Variants in AGAP1 observed in about 807,000 individuals in gnomAD.
AGAP1 encodes the protein ArfGAP with GTPase domain, ankyrin repeat and PH domain 1.
AGAP1 carries 29 observed loss-of-function variants against 105.3 expected under a neutral mutation model. That is an observed-to-expected ratio of 0.28 (90% confidence interval 0.21 to 0.38). AGAP1 has a LOEUF of 0.38. Ranked by LOEUF, AGAP1 falls within the 10% of genes least tolerant of loss-of-function variation. The pLI is 1.00. For synonymous variants in AGAP1, 509 were observed against 485.9 expected, an observed-to-expected ratio of 1.05 and a Z score of -0.63; for missense variants, 998 against 1,165.1, an observed-to-expected ratio of 0.86 and a Z score of 2.09.
At chr2:235,576,631 C>T (rs1216222157) in intron 1 of AGAP1, among the ~76,000 whole-genome samples, 1 of 152,180 alleles carries the variant, frequency 6.6e-6, no homozygotes, top group Non-Finnish European at 1.5e-5. Flanking sequence ...CCTCAGGGGC[C>T]GTTGAGGGCA....
rs1402427147 is a variant in AGAP1 at position 235,572,107 on chromosome 2, G to A, written c.163+77258G>A. Among the ~76,000 whole-genome samples the A allele has an allele frequency of 2.7e-5, 4 of 149,782 alleles. No homozygotes were observed. In the East Asian group the frequency reaches 8.0e-4, roughly 30 times the overall value. The stretch of plus-strand genomic sequence containing the variant: ...CTCTGCTCCTGGCTTTGGGGGCTTA[G>A]CCTCTAATTTGGGTCTGAACTTTAT... On this transcript the variant is annotated intron_variant, in intron 1 of 17. Coordinates refer to ENST00000304032, the MANE Select transcript of AGAP1 (RefSeq NM_001037131.3).
intron 1 of AGAP1, among the ~76,000 whole-genome samples, chr2:235,597,004 C>T (rs1217238133): frequency 6.6e-6 from 1 of 152,176 alleles, no homozygotes; most frequent in Non-Finnish European, 1.5e-5. Context: ...CTTCCAGCTG[C>T]CAGAACTGTG....
intron 6 of AGAP1, among the ~76,000 whole-genome samples, chr2:235,778,528 T>C (rs1956054902): frequency 6.6e-6 from 1 of 152,184 alleles, no homozygotes; most frequent in Admixed American, 6.5e-5. Context: ...TCGCTCCTTA[T>C]CTGTGAGCAT....
intron 6 of AGAP1, among the ~76,000 whole-genome samples, chr2:235,767,777 C>CTTTTTTTTTTT (rs71414307): frequency 1.5e-4 from 9 of 62,050 alleles, no homozygotes; most frequent in East Asian, 6.0e-4. Flanking sequence ...AGTTTCTTGT[C>CTTTTTTTTTTT]TTTTTTTTTT....
intron 16 of AGAP1, among the ~76,000 whole-genome samples, chr2:236,060,838 G>A (rs2058172792): frequency 6.6e-6 from 1 of 152,230 alleles, no homozygotes; most frequent in African/African-American, 2.4e-5. Context: ...GAGGCAGGAG[G>A]ATCACTTGAG....
intron 10 of AGAP1, among the ~76,000 whole-genome samples, chr2:235,897,192 A>T (rs2050848272): frequency 6.6e-6 from 1 of 152,034 alleles, no homozygotes; most frequent in South Asian, 2.1e-4. Context: ...AAGCAATTCC[A>T]CCATGCCCGG....
At chr2:235,816,336 C>A (rs909737720) in intron 9 of AGAP1, among the ~76,000 whole-genome samples, 4 of 151,040 alleles carry the variant, frequency 2.6e-5, no homozygotes, top group Non-Finnish European at 5.9e-5. Flanking sequence ...TACTTGGGAG[C>A]CTGAGGCAGG....
chr2:235,526,298 A>G (rs1942835679), intron 1 of AGAP1, among the ~76,000 whole-genome samples: 1 of 152,218 alleles, frequency 6.6e-6, no homozygotes, highest in Non-Finnish European at 1.5e-5. Flanking sequence ...ATGAATCCAG[A>G]GGCATATCTA....
In AGAP1 at chr2:236,072,125, GTTT is replaced by G. The variant is rs11342740; in HGVS notation, c.2114+22865_2114+22867del. Reference sequence around the variant, plus strand: ...TCTCCAAAAGTAGTCTTCGTTGTGGGTTTTTTTTTTTTTTTTTTTTTTTAGAGA... The same window carrying G: ...TCTCCAAAAGTAGTCTTCGTTGTGGGTTTTTTTTTTTTTTTTTTTTAGAGA... On this transcript the variant is annotated intron_variant, in intron 16 of 17. Transcript: ENST00000304032. Among the ~76,000 whole-genome samples, 635 of 111,926 alleles carry G rather than the reference GTTT, an allele frequency of 5.7e-3. 3 individuals are homozygous for G. The highest frequency in any genetic ancestry group is 0.019 in the African/African-American group (598 of 31,694). The allele number at this position is 111,926 out of a possible 152,430, so 73.4% of individuals were successfully genotyped here. A position where few individuals can be genotyped will look rare whatever the true frequency, so the allele number is the denominator to read the frequency against.
chr2:235,637,343 G>A (rs1208147263), intron 1 of AGAP1, among the ~76,000 whole-genome samples: 1 of 152,152 alleles, frequency 6.6e-6, no homozygotes, highest in African/African-American at 2.4e-5. Context: ...CGCGGTCATA[G>A]CTCACTGCAG....
rs59313947 is a variant in AGAP1, at chr2:235,889,170, G to A, written c.1155+5721G>A. Among the ~76,000 whole-genome samples the A allele has an allele frequency of 5.3e-3, 800 of 152,228 alleles. 4 individuals are homozygous for A. Among genetic ancestry groups the A allele is most frequent in the African/African-American group, 0.019 (774 of 41,554 alleles). On this transcript the variant is annotated intron_variant, in intron 10 of 17. Transcript: ENST00000304032. This position sits in a 1 kb window ranked among gnomAD's most constrained non-coding sequence, Gnocchi z 4.6. Reference sequence around the variant, plus strand: ...TGTTCGAAAATAAACCCAGCTCTTGGCCAAACAAACAGTCGGTATGTGGCC... The same window carrying A: ...TGTTCGAAAATAAACCCAGCTCTTGACCAAACAAACAGTCGGTATGTGGCC...
intron 1 of AGAP1, among the ~76,000 whole-genome samples, chr2:235,688,208 G>A (rs1214637640): frequency 2.0e-5 from 3 of 152,114 alleles, no homozygotes; most frequent in Non-Finnish European, 2.9e-5. Context: ...GCCCAGCCTT[G>A]CCCTCGGATC....
In AGAP1 at chr2:235,879,847, T is replaced by C. The variant is rs4663625; in HGVS notation, c.1051-3498T>C. On this transcript the variant is annotated intron_variant, in intron 9 of 17. Coordinates refer to ENST00000304032, the MANE Select transcript of AGAP1 (RefSeq NM_001037131.3). This position sits in a 1 kb window ranked among gnomAD's most constrained non-coding sequence, Gnocchi z 5.0. ...CTCGGAGGAGGCTGGCGCAGGAGAA[T>C]TGCTTGAGCTGGAAAGTTCAAGGTT... Among the ~76,000 whole-genome samples the C allele has an allele frequency of 0.45, 68,822 of 152,042 alleles. 16,098 individuals carry two copies. Among genetic ancestry groups the C allele is most frequent in the South Asian group, 0.73 (3,535 of 4,814 alleles).
Position 235,763,017 on chromosome 2 carries a change from A to G in AGAP1, c.673+12529A>G, listed in dbSNP as rs551253788. On this transcript the variant is annotated intron_variant, in intron 6 of 17. Coordinates refer to ENST00000304032, the MANE Select transcript of AGAP1 (RefSeq NM_001037131.3). ...ACTGACAACACTGCCACCCGGGGGC[A>G]ATGATTGTTAAGGCTCGGGTGTGTG... Among the ~76,000 whole-genome samples the G allele has an allele frequency of 2.0e-5, 3 of 149,284 alleles. No individual in the cohort carries two copies. In the South Asian group the frequency reaches 6.3e-4, roughly 31 times the overall value.
chr2:235,590,438 G>A (rs911677848), intron 1 of AGAP1, among the ~76,000 whole-genome samples: 11 of 151,988 alleles, frequency 7.2e-5, no homozygotes, highest in Non-Finnish European at 1.2e-4. Context: ...CCTGAGCTCC[G>A]CGAGGCTGGA....
At chr2:235,832,105 C>T (rs769198079) in intron 9 of AGAP1, among the ~76,000 whole-genome samples, 5 of 152,088 alleles carry the variant, frequency 3.3e-5, no homozygotes, top group African/African-American at 1.2e-4. Flanking sequence ...ATCTGTAGGT[C>T]GTCTTTGGTG....
At chr2:235,946,962 C>T (rs1301852047) in intron 12 of AGAP1, among the ~76,000 whole-genome samples, 7 of 152,178 alleles carry the variant, frequency 4.6e-5, no homozygotes, top group Non-Finnish European at 7.3e-5. Flanking sequence ...CTTACTTCTG[C>T]GTGCCACCAG....
rs539707795 is a variant in AGAP1, at chr2:235,602,788, G to A, written c.164-106391G>A. On this transcript the variant is annotated intron_variant, in intron 1 of 17. Transcript: ENST00000304032. ...GCGATCTTGGCTCACTGCAACCTCC[G>A]CCTCCTGGGTTCAAATGATTCTTGT... Among the ~76,000 whole-genome samples the A allele has an allele frequency of 9.2e-5, 14 of 152,238 alleles. No individual in the cohort carries two copies. In the East Asian group the frequency reaches 1.7e-3, roughly 19 times the overall value.
Position 235,621,677 on chromosome 2 carries a change from C to A in AGAP1, c.164-87502C>A, listed in dbSNP as rs1946486283. ...ACACAAGGGTTGGTCATTCCCTGTG[C>A]CCATTGTTCATGCATTGGAACTTGG... On this transcript the variant is annotated intron_variant, in intron 1 of 17. Coordinates refer to ENST00000304032, the MANE Select transcript of AGAP1 (RefSeq NM_001037131.3). The surrounding 1 kb of genome is among the most constrained non-coding windows in gnomAD (Gnocchi z 4.1). Among the ~76,000 whole-genome samples the A allele has an allele frequency of 6.6e-6, 1 of 152,202 alleles. No homozygotes were observed. The highest frequency in any genetic ancestry group is 2.4e-5 in the African/African-American group (1 of 41,440).
Sources: allele counts gnomAD v4.1 joint callset (sites outside exome capture counted in the v4.1 genomes callset), GRCh38; gene constraint gnomAD v4.1.1; non-coding constraint Gnocchi (gnomAD v3.1); transcripts MANE v1.5; gene names NCBI Gene and HGNC (gene_info 2026-07-23, HGNC 2026-07-21).